GLDC: variants seen among roughly 807,000 people sequenced by gnomAD.
The protein encoded by GLDC is glycine decarboxylase, also known as glycine dehydrogenase (decarboxylating), mitochondrial.
GLDC carries 104 observed loss-of-function variants against 121.3 expected under a neutral mutation model. The ratio of observed to expected loss-of-function variants is 0.86; its 90% CI spans 0.73 to 1.01. The LOEUF is 1.01. Ranked by LOEUF, GLDC falls within the 50% of genes least tolerant of loss-of-function variation. GLDC has a pLI of 0.00. For missense variants in GLDC, 1,429 were observed against 1,306.6 expected (o/e 1.09, Z -1.44); for synonymous variants, 546 against 480.6 (o/e 1.14, Z -1.78).
At chr9:6,607,848 C>T (rs1818767094) in intron 4 of GLDC, among the ~76,000 whole-genome samples, 1 of 151,706 alleles carries the variant, frequency 6.6e-6, no homozygotes, top group Non-Finnish European at 1.5e-5. Context: ...ATTGGCCGGT[C>T]ATGGTGGCTC....
Position 6,556,207 on chromosome 9 carries a change from G to C in GLDC, c.2148C>G (p.Leu716=), listed in dbSNP as rs367750112. The C allele has an allele frequency of 2.5e-6, 4 of 1,612,786 alleles. No homozygotes were observed. In the East Asian group the frequency reaches 6.7e-5, roughly 27 times the overall value. The change falls in exon 18 of 25, where the codon CTC becomes CTG. Residue 716 remains leucine (L), a synonymous_variant. Transcript: ENST00000321612. The part of the protein sequence containing the change: ...FEENISDVCD[L]IHQHGGQVYL... ...AGACCTGTCCTCCATGTTGATGGAT[G>C]AGGTCACACACGTCACTGATGTTCT... is the stretch of plus-strand genomic sequence containing the variant.
At chr9:6,629,458 G>T (rs1305979847) in intron 2 of GLDC, among the ~76,000 whole-genome samples, 1 of 151,916 alleles carries the variant, frequency 6.6e-6, no homozygotes, top group African/African-American at 2.4e-5. Flanking sequence ...CAGGTGATCT[G>T]CCTGCCTCGG....
chr9:6,613,457 C>G (rs1383893542), intron 3 of GLDC, among the ~76,000 whole-genome samples: 2 of 152,162 alleles, frequency 1.3e-5, no homozygotes, highest in African/African-American at 4.8e-5. Flanking sequence ...GAGACTCTGT[C>G]TCTACTAAAA....
intron 3 of GLDC, among the ~76,000 whole-genome samples, chr9:6,618,767 C>T (rs1819016350): frequency 6.6e-6 from 1 of 151,946 alleles, no homozygotes; most frequent in South Asian, 2.1e-4. Context: ...GATGGACAGA[C>T]ACACACACAC....
In GLDC at chr9:6,620,245, C is replaced by T. The variant is rs774992052; in HGVS notation, c.409G>A (p.Gly137Ser). The T allele has an allele frequency of 1.1e-5, 18 of 1,613,146 alleles. No individual in the cohort carries two copies. In the South Asian group the frequency reaches 1.8e-4, roughly 16 times the overall value. Residue 137 changes from glycine to serine, a missense_variant, in exon 3 of 25, where the codon GGC (glycine) becomes AGC (serine). Gly to Ser is a moderately conservative substitution (Grantham distance 56). Coordinates refer to ENST00000321612, the MANE Select transcript of GLDC (RefSeq NM_000170.3). ...NQIWRSYIGM[G>S]YYNCSVPQTI... ...TGTGGCACTGAGCAGTTATAATAGC[C>T]CATGCCAATATACGATCTCCAGATC...
chr9:6,565,486 A>G lies in GLDC; in HGVS notation c.1851-57T>C, dbSNP rs144562176. The G allele has an allele frequency of 7.3e-4, 986 of 1,342,390 alleles. 7 individuals carry two copies. In the African/African-American group the frequency reaches 0.013, roughly 17 times the overall value. 83.2% of individuals were successfully genotyped at this position (1,342,390 alleles called of 1,614,324 possible). On this transcript the variant is annotated intron_variant, in intron 15 of 24. Transcript: ENST00000321612. Reference sequence around the variant, plus strand: ...TAGGTCTTCTGGCTTTCATTTACTCATTCAATATTTATTGGGCCCTGGCCA... The same window carrying G: ...TAGGTCTTCTGGCTTTCATTTACTCGTTCAATATTTATTGGGCCCTGGCCA...
chr9:6,602,041 G>A (rs934678632), intron 8 of GLDC, 68 bp downstream of exon 8: 2 of 944,236 alleles, frequency 2.1e-6, no homozygotes, highest in South Asian at 1.3e-5. Context: ...ACAAATGAAT[G>A]AATGAATGAG....
chr9:6,542,730 C>G (rs1273376651), intron 21 of GLDC, among the ~76,000 whole-genome samples: 2 of 149,692 alleles, frequency 1.3e-5, no homozygotes, highest in African/African-American at 4.9e-5. Flanking sequence ...TACAAAAAAA[C>G]AAAAAATTAG....
intron 15 of GLDC, among the ~76,000 whole-genome samples, chr9:6,572,155 C>G: frequency 6.6e-6 from 1 of 152,022 alleles, no homozygotes; most frequent in Admixed American, 6.5e-5. Flanking sequence ...AAGCACAATT[C>G]ATAAAAGAAA....
At chr9:6,584,476 A>C (rs1818228553) in intron 15 of GLDC, among the ~76,000 whole-genome samples, 1 of 152,248 alleles carries the variant, frequency 6.6e-6, no homozygotes, top group African/African-American at 2.4e-5. Flanking sequence ...AATAATTATA[A>C]GACAAGAAAT....
chr9:6,557,888 T>C (rs1817670625), intron 17 of GLDC: 1 of 155,080 alleles, frequency 6.4e-6, no homozygotes, highest in African/African-American at 2.4e-5. Context: ...TGTGGAGCAA[T>C]GGAAGGGTAG....
chr9:6,621,126 C>T (rs992320525), intron 2 of GLDC, among the ~76,000 whole-genome samples: 1 of 152,114 alleles, frequency 6.6e-6, no homozygotes, highest in Admixed American at 6.5e-5. Flanking sequence ...GCTAAGATGG[C>T]GCCGCTGCAC....
At chr9:6,629,929 C>CTATATATATATATGTGTATATATA in intron 2 of GLDC, among the ~76,000 whole-genome samples, 1 of 102,168 alleles carries the variant, frequency 9.8e-6, no homozygotes, top group East Asian at 2.6e-4. Flanking sequence ...TTGCTTTTCA[C>CTATATATATATATGTGTATATATA]TATATATATA....
At chr9:6,624,654 G>A (rs1228347324) in intron 2 of GLDC, among the ~76,000 whole-genome samples, 1 of 152,170 alleles carries the variant, frequency 6.6e-6, no homozygotes, top group Non-Finnish European at 1.5e-5. Flanking sequence ...ATTTTTAGGA[G>A]ACACGATAAT....
chr9:6,639,169 C>T (rs1000496269), intron 2 of GLDC: 3 of 788,920 alleles, frequency 3.8e-6, no homozygotes, highest in Non-Finnish European at 2.2e-6. Flanking sequence ...AAGGAAGCTC[C>T]TGCCCCTCCT....
chr9:6,609,052 A>G (rs1284356922), intron 4 of GLDC, among the ~76,000 whole-genome samples: 1 of 152,172 alleles, frequency 6.6e-6, no homozygotes, highest in African/African-American at 2.4e-5. Context: ...AGAGGCTTAC[A>G]TGGGCATTCA....
At chr9:6,605,107 C>T in intron 6 of GLDC, 24 bp downstream of exon 6, 1 of 1,608,142 alleles carries the variant, frequency 6.2e-7, no homozygotes, top group Non-Finnish European at 8.5e-7. Flanking sequence ...CTCCACGGAC[C>T]CCCCACAAGA....
intron 3 of GLDC, among the ~76,000 whole-genome samples, chr9:6,618,826 A>AAC (rs375305058): frequency 4.6e-5 from 7 of 151,718 alleles, no homozygotes; most frequent in African/African-American, 1.5e-4. Flanking sequence ...GACACAGATG[A>AAC]ACACACACAC....
At chr9:6,588,259 TG>T in intron 14 of GLDC, 141 bp downstream of exon 14, 1 of 757,216 alleles carries the variant, frequency 1.3e-6, no homozygotes, top group Admixed American at 1.8e-5. Context: ...CCAAGATTGG[TG>T]AATAGCAAGG....
Sources: allele counts gnomAD v4.1 joint callset (sites outside exome capture counted in the v4.1 genomes callset), GRCh38; gene constraint gnomAD v4.1.1; transcripts MANE v1.5; gene names NCBI Gene and HGNC (gene_info 2026-07-23, HGNC 2026-07-21).